NKTR: variants seen among roughly 807,000 people sequenced by gnomAD.
The protein encoded by NKTR is natural killer cell triggering receptor.
NKTR carries 67 observed loss-of-function variants against 156.3 expected under a neutral mutation model. The observed-to-expected ratio is 0.43, with a 90% CI of 0.35 to 0.53. NKTR has a LOEUF of 0.53. Ranked by LOEUF, NKTR falls within the 20% of genes least tolerant of loss-of-function variation. The pLI, the probability that NKTR is intolerant of heterozygous loss-of-function variation, is 0.01. For missense variants in NKTR, 1,604 were observed against 1,730.9 expected (o/e 0.93, Z 1.30); for synonymous variants, 640 against 596.6 (o/e 1.07, Z -1.06).
rs1709295147 is a variant in NKTR at position 42,635,270 on chromosome 3, A to G, written c.1067A>G (p.Asp356Gly). ...RSRSCSESDD[D>G]DSSETPPHWK... is the part of the protein sequence containing the mutation. ...AGATCCTGTTCTGAGTCAGATGATG[A>G]TGACAGCAGTGAAACTCCTCCTCAC... The change falls in exon 12 of 17, where the codon GAT becomes GGT. Residue 356 changes from aspartate to glycine, a missense_variant. Physicochemically the swap from Asp to Gly is moderately conservative, Grantham distance 94. Coordinates refer to ENST00000232978, the MANE Select transcript of NKTR (RefSeq NM_005385.4). The G allele has an allele frequency of 2.5e-6, 4 of 1,613,858 alleles. No individual in the cohort carries two copies. The highest frequency in any genetic ancestry group is 1.1e-5 in the South Asian group (1 of 91,062).
intron 2 of NKTR, among the ~76,000 whole-genome samples, chr3:42,613,549 A>G (rs974165217): frequency 4.6e-5 from 7 of 152,210 alleles, no homozygotes; most frequent in African/African-American, 1.4e-4. Flanking sequence ...TCCAACTACC[A>G]TATCATCTAT....
Position 42,639,722 on chromosome 3 carries a change from C to T in NKTR, c.4018C>T (p.Arg1340Ter). 2 of 1,610,118 alleles carry T rather than the reference C, an allele frequency of 1.2e-6. No homozygotes were observed. Among genetic ancestry groups the T allele is most frequent in the African/African-American group, 1.3e-5 (1 of 74,816 alleles). Residue 1340 changes from arginine to a stop codon, truncating the protein, a stop_gained, in exon 13 of 17, where the codon CGA becomes TGA. Transcript: ENST00000232978. LOFTEE classifies it high-confidence loss of function. ...TGTCTCCTATAGTCACTCAAGAAGT[C>T]GATCGAGAAGTTCCACATCATCTTA... ...RSVSYSHSRSRSRSSTSSYRS... is the reference protein window; with the variant it reads ...RSVSYSHSRS
chr3:42,635,585 C>T (rs1207088494), intron 12 of NKTR: 3 of 370,208 alleles, frequency 8.1e-6, no homozygotes, highest in Non-Finnish European at 1.5e-5. Context: ...AAACTATAAG[C>T]CTGTGTCTTT....
At chr3:42,617,770 G>C in intron 3 of NKTR, 126 bp downstream of exon 3, 2 of 557,430 alleles carry the variant, frequency 3.6e-6, no homozygotes, top group East Asian at 3.0e-5. Context: ...AAAAAAAAAA[G>C]AGTTACTTAT....
At chr3:42,620,811 C>A in intron 5 of NKTR, 1 of 985,052 alleles carries the variant, frequency 1.0e-6, no homozygotes, top group Non-Finnish European at 1.2e-6. Flanking sequence ...TTCCTTGTGG[C>A]AGATACTTTT....
intron 13 of NKTR, among the ~76,000 whole-genome samples, chr3:42,641,874 CAAAA>C (rs35450151): frequency 2.7e-5 from 3 of 110,402 alleles, no homozygotes; most frequent in Admixed American, 9.5e-5. Flanking sequence ...CAAGACTCCT[CAAAA>C]AAAAAAAAAA....
chr3:42,635,015 T>C (rs1709249187), intron 11 of NKTR: 1 of 449,614 alleles, frequency 2.2e-6, no homozygotes, highest in Non-Finnish European at 3.9e-6. Flanking sequence ...TAATGCCTTG[T>C]TTGAAATAAC....
intron 8 of NKTR, among the ~76,000 whole-genome samples, chr3:42,631,985 C>G (rs767485259): frequency 1.3e-5 from 2 of 151,928 alleles, no homozygotes; most frequent in East Asian, 1.9e-4. Flanking sequence ...GTTAAACTAC[C>G]CCTAGTCTTC....
chr3:42,610,024 A>G (rs1706615281), intron 2 of NKTR, among the ~76,000 whole-genome samples: 1 of 151,258 alleles, frequency 6.6e-6, no homozygotes, highest in South Asian at 2.1e-4. Flanking sequence ...TTTTTTTGAG[A>G]CAGAGTTTCG....
intron 2 of NKTR, among the ~76,000 whole-genome samples, chr3:42,604,127 G>A (rs1345815821): frequency 6.6e-6 from 1 of 152,148 alleles, no homozygotes; most frequent in Non-Finnish European, 1.5e-5. Context: ...TTTAATATCT[G>A]TGGGGTCTGT....
intron 2 of NKTR, among the ~76,000 whole-genome samples, chr3:42,606,904 A>G (rs1345739155): frequency 2.0e-5 from 3 of 151,964 alleles, no homozygotes; most frequent in Admixed American, 6.6e-5. Context: ...TGCGTTGCTC[A>G]TGCTGGAGTA....
chr3:42,630,604 G>T, intron 7 of NKTR, 29 bp downstream of exon 7: 1 of 1,613,322 alleles, frequency 6.2e-7, no homozygotes. Flanking sequence ...CTACATTGGG[G>T]AAGTGTTTGG....
intron 6 of NKTR, among the ~76,000 whole-genome samples, chr3:42,623,407 T>C (rs1381278910): frequency 1.3e-5 from 2 of 152,138 alleles, no homozygotes; most frequent in African/African-American, 2.4e-5. Context: ...CTGGAAGTAA[T>C]TGAGTATTTA....
chr3:42,619,176 A>G, intron 4 of NKTR, 49 bp downstream of exon 4: 4 of 1,579,520 alleles, frequency 2.5e-6, no homozygotes, highest in Non-Finnish European at 3.4e-6. Context: ...CAGTTTTTAA[A>G]GTATTTCATT....
rs1422232956 is a variant in NKTR, at chr3:42,637,126, A to C, written c.1422A>C (p.Arg474Ser). ...AATCCTCAAAATCTTCCACTCGAAG[A>C]ATGAAATCCTCTTGTGATAGAGAAA... The part of the protein sequence containing the change: ...DIESSKSSTR[R>S]MKSSCDRERS... Residue 474 changes from arginine to serine, a missense_variant, in exon 13 of 17, where the codon AGA (arginine) becomes AGC (serine). This residue lies in a region of NKTR where 1,255 missense variants were observed against 1,243.7 expected (regional missense o/e 1.01). Transcript: ENST00000232978. 2 of 1,608,626 alleles carry C rather than the reference A, an allele frequency of 1.2e-6. No individual in the cohort carries two copies.
intron 2 of NKTR, among the ~76,000 whole-genome samples, chr3:42,610,134 T>C (rs1394281238): frequency 6.6e-6 from 1 of 152,008 alleles, no homozygotes; most frequent in Non-Finnish European, 1.5e-5. Flanking sequence ...GCCTCCCGAG[T>C]AGCTGGGATT....
intron 2 of NKTR, among the ~76,000 whole-genome samples, chr3:42,604,659 C>CCTTTTTTTTTTTTTTTTT (rs1706021574): frequency 2.2e-5 from 1 of 45,282 alleles, no homozygotes; most frequent in Non-Finnish European, 4.0e-5. Context: ...TATTTCTCTC[C>CCTTTTTTTTTTTTTTTTT]TTTTTTTTTT....
At chr3:42,625,601 C>T (rs1427303137) in intron 6 of NKTR, among the ~76,000 whole-genome samples, 2 of 152,100 alleles carry the variant, frequency 1.3e-5, no homozygotes, top group African/African-American at 4.8e-5. Flanking sequence ...GGTAATAAAA[C>T]TAGATTCGGG....
At chr3:42,627,171 T>C (rs1187496665) in intron 6 of NKTR, 1 of 947,396 alleles carries the variant, frequency 1.1e-6, no homozygotes, top group African/African-American at 1.8e-5. Flanking sequence ...TACAATTTAT[T>C]TCTTGCCATT....
Sources: allele counts gnomAD v4.1 joint callset (sites outside exome capture counted in the v4.1 genomes callset), GRCh38; gene constraint gnomAD v4.1.1; regional missense constraint gnomAD v4.1.1; transcripts MANE v1.5; gene names NCBI Gene and HGNC (gene_info 2026-07-23, HGNC 2026-07-21).